TACC2: variants seen among roughly 807,000 people sequenced by gnomAD.
The protein encoded by TACC2 is transforming acidic coiled-coil containing protein 2.
TACC2 carries 137 observed loss-of-function variants against 227.3 expected under a neutral mutation model. That is an observed-to-expected ratio of 0.60 (90% CI 0.52 to 0.69). The LOEUF is 0.69. TACC2 is among the 30% of genes least tolerant of loss of function. The pLI, the probability that TACC2 is intolerant of heterozygous loss-of-function variation, is 0.00. For synonymous variants in TACC2, 1,523 were observed against 1,487.5 expected, an observed-to-expected ratio of 1.02 and a Z score of -0.55; for missense variants, 3,470 against 3,694.4, an observed-to-expected ratio of 0.94 and a Z score of 1.57.
At chr10:122,168,504 T>G (rs1286603610) in intron 7 of TACC2, among the ~76,000 whole-genome samples, 1 of 152,210 alleles carries the variant, frequency 6.6e-6, no homozygotes, top group Non-Finnish European at 1.5e-5. Flanking sequence ...ATAAGGGTCC[T>G]GGGCCTTCAC....
intron 9 of TACC2, among the ~76,000 whole-genome samples, chr10:122,214,928 C>CT (rs1453762276): frequency 1.3e-5 from 2 of 152,104 alleles, no homozygotes; most frequent in Non-Finnish European, 2.9e-5. Context: ...GGACCCCGAA[C>CT]TTTCTATTTC....
At chr10:122,147,930 A>G (rs1263154620) in intron 7 of TACC2, among the ~76,000 whole-genome samples, 2 of 152,100 alleles carry the variant, frequency 1.3e-5, no homozygotes, top group Non-Finnish European at 2.9e-5. Context: ...CTCTCTCCAC[A>G]GCTGCTTTCA....
intron 2 of TACC2, among the ~76,000 whole-genome samples, chr10:122,040,160 T>C (rs1012759303): frequency 6.6e-6 from 1 of 152,056 alleles, no homozygotes; most frequent in African/African-American, 2.4e-5. Context: ...TGGTTGGAAA[T>C]GAAGAGAAAT....
chr10:122,204,001 T>A (rs922893151), intron 8 of TACC2, among the ~76,000 whole-genome samples: 3 of 150,658 alleles, frequency 2.0e-5, no homozygotes, highest in African/African-American at 4.9e-5. Context: ...ACCAAAAAAA[T>A]ACGAAAACCA....
chr10:122,229,487 G>A lies in TACC2; in HGVS notation c.8037+1G>A, dbSNP rs1460402134. The A allele has an allele frequency of 6.2e-7, 1 of 1,613,786 alleles. No homozygotes were observed. Among genetic ancestry groups the A allele is most frequent in the Non-Finnish European group, 8.5e-7 (1 of 1,179,994 alleles). On this transcript the variant is annotated splice_donor_variant, in intron 15 of 22. Transcript: ENST00000369005. LOFTEE classifies it high-confidence loss of function. ...CCCACTATTCGCTCAGAAACTCCAGGTTTGTAGCCCACGTGTGACCTTTTG... is the reference window on the plus strand; with the variant it reads ...CCCACTATTCGCTCAGAAACTCCAGATTTGTAGCCCACGTGTGACCTTTTG...
chr10:122,000,157 C>T (rs763805263), intron 1 of TACC2, among the ~76,000 whole-genome samples: 11 of 152,048 alleles, frequency 7.2e-5, no homozygotes, highest in Admixed American at 2.6e-4. Flanking sequence ...TTTGGGAGGC[C>T]GAGGTTGGCG....
intron 16 of TACC2, 93 bp downstream of exon 16, chr10:122,230,533 G>A: frequency 3.4e-6 from 4 of 1,165,808 alleles, no homozygotes; most frequent in Admixed American, 1.8e-5. Context: ...CGCCAGGCGG[G>A]CATCATCGGT....
At chr10:122,047,079 A>G (rs1237750403) in intron 2 of TACC2, among the ~76,000 whole-genome samples, 1 of 151,768 alleles carries the variant, frequency 6.6e-6, no homozygotes, top group African/African-American at 2.4e-5. Context: ...TCACAAGGTC[A>G]GGAGTTCGAG....
rs756725061 is a variant in TACC2, at chr10:122,211,726, G to C, written c.7283+18G>C. ...CTAAAGACGTAAGTTCAGGGGTGGA[G>C]GTGGTAAGGATCAGAGGCGGGGGTG... On this transcript the variant is annotated intron_variant, in intron 9 of 22. Coordinates refer to ENST00000369005, the MANE Select transcript of TACC2 (RefSeq NM_206862.4). 5.2e-6 allele frequency: 8 copies of C among 1,528,982 alleles called. No individual in the cohort carries two copies. Among genetic ancestry groups the C allele is most frequent in the Admixed American group, 2.3e-5 (1 of 43,850 alleles). The allele number at this position is 1,528,982 out of a possible 1,614,324, so 94.7% of individuals were successfully genotyped here.
Position 122,087,857 on chromosome 10 carries a change from C to T in TACC2, c.5357C>T (p.Pro1786Leu). Reference sequence around the variant, plus strand: ...CAGCCAGGGCCTGAGCGCCCCATTCCAGCTGGGGATGGGAAGGTGTGCGTC... The same window carrying T: ...CAGCCAGGGCCTGAGCGCCCCATTCTAGCTGGGGATGGGAAGGTGTGCGTC... Reference protein sequence around the residue: ...KEQPGPERPIPAGDGKVCVSS... With the variant: ...KEQPGPERPILAGDGKVCVSS... Residue 1786 changes from proline to leucine, a missense_variant, in exon 4 of 23, where the codon CCA becomes CTA. This residue lies in a region of TACC2 where 1,924 missense variants were observed against 1,978.3 expected (regional missense o/e 0.97). Coordinates refer to ENST00000369005, the MANE Select transcript of TACC2 (RefSeq NM_206862.4). 2 of 1,524,276 alleles carry T rather than the reference C, an allele frequency of 1.3e-6. No homozygotes were observed. The highest frequency in any genetic ancestry group is 1.8e-6 in the Non-Finnish European group (2 of 1,136,970). The allele number at this position is 1,524,276 out of a possible 1,614,324, so 94.4% of individuals were successfully genotyped here.
At position 122,084,505 on chromosome 10, in the gene TACC2, G is replaced by T. The variant is rs867958572; in HGVS notation, c.2005G>T (p.Val669Phe). Residue 669 changes from valine to phenylalanine, a missense_variant, in exon 4 of 23, where the codon GTC becomes TTC. Physicochemically the swap from Val to Phe is conservative, Grantham distance 50. Transcript: ENST00000369005. ...LPHKLGEEDP[V>F]LPPVPDGAGE... Reference sequence around the variant, plus strand: ...ACACAAGCTGGGTGAGGAGGACCCCGTCCTGCCCCCTGTGCCAGATGGAGC... The same window carrying T: ...ACACAAGCTGGGTGAGGAGGACCCCTTCCTGCCCCCTGTGCCAGATGGAGC... The T allele has an allele frequency of 7.4e-6, 12 of 1,613,338 alleles. No homozygotes were observed. In the African/African-American group the frequency reaches 9.3e-5, roughly 13 times the overall value.
At chr10:122,164,148 T>C (rs974059833) in intron 7 of TACC2, among the ~76,000 whole-genome samples, 2 of 152,204 alleles carry the variant, frequency 1.3e-5, no homozygotes, top group Non-Finnish European at 2.9e-5. Context: ...GGGGCTGCTC[T>C]GGGAGGAGCA....
At position 122,086,773 on chromosome 10, in the gene TACC2, G is replaced by A. The variant is rs4752642; in HGVS notation, c.4273G>A (p.Ala1425Thr). ...IFEKPVLGAL[A>T]TPGEKAGAGR... The stretch of plus-strand genomic sequence containing the variant: ...CGAGAAGCCTGTGCTCGGAGCCCTG[G>A]CCACACCTGGAGAAAAGGCAGGAGC... Residue 1425 changes from alanine (A) to threonine (T), a missense_variant, in exon 4 of 23, where the codon GCC (alanine) becomes ACC (threonine). Transcript: ENST00000369005. 0.22 allele frequency: 357,222 copies of A among 1,613,710 alleles called. 41,224 individuals carry two copies. Among genetic ancestry groups the A allele is most frequent in the African/African-American group, 0.34 (25,620 of 74,966 alleles).
rs146103943 is a variant in TACC2, at chr10:122,087,116, C to A, written c.4616C>A (p.Pro1539Gln). 8.7e-6 allele frequency: 14 copies of A among 1,609,878 alleles called. No individual in the cohort carries two copies. The highest frequency in any genetic ancestry group is 1.3e-5 in the African/African-American group (1 of 74,840). Residue 1539 changes from proline to glutamine, a missense_variant, in exon 4 of 23, where the codon CCA becomes CAA. Transcript: ENST00000369005. ...ERPEGPGAAW[P>Q]GLEGQAYSQL... is the part of the protein sequence containing the mutation. ...CCAGAGGGGCCTGGGGCAGCCTGGC[C>A]AGGCCTGGAAGGCCAGGCTTACTCA...
intron 7 of TACC2, among the ~76,000 whole-genome samples, chr10:122,161,987 C>T (rs2092840969): frequency 6.6e-6 from 1 of 152,188 alleles, no homozygotes; most frequent in South Asian, 2.1e-4. Context: ...ATCCTTGCCA[C>T]CAAGTGACAT....
intron 1 of TACC2, among the ~76,000 whole-genome samples, chr10:122,013,698 TG>T (rs34246153): frequency 6.6e-6 from 1 of 152,204 alleles, no homozygotes. Context: ...CCTCTGTGGC[TG>T]GGGAGCAATG....
intron 18 of TACC2, among the ~76,000 whole-genome samples, chr10:122,240,816 G>A (rs10887108): frequency 0.29 from 44,862 of 152,094 alleles, 7,682 homozygotes; most frequent in South Asian, 0.43. Flanking sequence ...TTTGGAGAAA[G>A]GACGTCTTCA....
intron 7 of TACC2, among the ~76,000 whole-genome samples, chr10:122,163,149 G>A (rs1008694894): frequency 3.3e-4 from 51 of 152,252 alleles, no homozygotes; most frequent in Middle Eastern, 6.8e-3. Flanking sequence ...CAGGACCCGG[G>A]GCCTGAAGGA....
intron 3 of TACC2, among the ~76,000 whole-genome samples, chr10:122,062,022 C>T (rs1209831389): frequency 3.0e-5 from 4 of 131,758 alleles, no homozygotes; most frequent in African/African-American, 5.6e-5. Flanking sequence ...CATGTCAGAG[C>T]GGCTTTTTTT....
Sources: allele counts gnomAD v4.1 joint callset (sites outside exome capture counted in the v4.1 genomes callset), GRCh38; gene constraint gnomAD v4.1.1; regional missense constraint gnomAD v4.1.1; transcripts MANE v1.5; gene names NCBI Gene and HGNC (gene_info 2026-07-23, HGNC 2026-07-21).